The following PTPN4 variants were observed in gnomAD, a reference collection of about 807,000 sequenced individuals.
PTPN4 encodes the protein tyrosine-protein phosphatase non-receptor type 4.
A neutral mutation model predicts 135.5 loss-of-function variants in PTPN4; 49 were observed. The ratio of observed to expected loss-of-function variants is 0.36; its 90% CI spans 0.29 to 0.46. The LOEUF (loss-of-function observed/expected upper bound fraction) is 0.46, where lower values mean the gene tolerates loss of function less well. PTPN4 is among the 20% of genes least tolerant of loss of function. The pLI is 1.00. For missense variants in PTPN4, 860 were observed against 1,101.0 expected (o/e 0.78, Z 3.10); for synonymous variants, 333 against 369.9 (o/e 0.90, Z 1.14).
intron 24 of PTPN4, among the ~76,000 whole-genome samples, chr2:119,963,651 G>T (rs897429920): frequency 1.3e-5 from 2 of 152,146 alleles, no homozygotes; most frequent in African/African-American, 4.8e-5. Context: ...AAGGAATCTG[G>T]CATTGAATAA....
intron 14 of PTPN4, among the ~76,000 whole-genome samples, chr2:119,934,086 A>T (rs2105038990): frequency 6.6e-6 from 1 of 152,320 alleles, no homozygotes; most frequent in East Asian, 1.9e-4. Flanking sequence ...TTAATGAAAC[A>T]ATTTCAGGTA....
intron 1 of PTPN4, among the ~76,000 whole-genome samples, chr2:119,808,854 A>G (rs1413116911): frequency 6.6e-6 from 1 of 152,198 alleles, no homozygotes; most frequent in African/African-American, 2.4e-5. Flanking sequence ...TTTGAAATGA[A>G]TAATCTGTGA....
At chr2:119,822,025 A>G (rs1192037918) in intron 2 of PTPN4, among the ~76,000 whole-genome samples, 1 of 151,968 alleles carries the variant, frequency 6.6e-6, no homozygotes, top group Non-Finnish European at 1.5e-5. Flanking sequence ...CATGAAATCC[A>G]CCAGCTTGCA....
intron 5 of PTPN4, among the ~76,000 whole-genome samples, chr2:119,880,441 T>C (rs1558753220): frequency 6.6e-6 from 1 of 151,606 alleles, no homozygotes. Flanking sequence ...TTTTTTTTTC[T>C]TTTTTTGAGA....
At chr2:119,778,785 G>A (rs1427962092) in intron 1 of PTPN4, among the ~76,000 whole-genome samples, 2 of 152,070 alleles carry the variant, frequency 1.3e-5, no homozygotes, top group African/African-American at 2.4e-5. Context: ...TATCAGGTCG[G>A]TAACAATTGA....
At chr2:119,801,642 A>G (rs981275959) in intron 1 of PTPN4, among the ~76,000 whole-genome samples, 5 of 151,974 alleles carry the variant, frequency 3.3e-5, no homozygotes, top group African/African-American at 7.2e-5. Context: ...ACACCTAAGT[A>G]TTTTGTTTTT....
chr2:119,917,413 A>G (rs1467396503), intron 11 of PTPN4, among the ~76,000 whole-genome samples: 2 of 152,140 alleles, frequency 1.3e-5, no homozygotes, highest in African/African-American at 2.4e-5. Context: ...GCACATTACA[A>G]CCTGTCTGAT....
intron 25 of PTPN4, among the ~76,000 whole-genome samples, chr2:119,966,906 G>A (rs928501189): frequency 6.6e-6 from 1 of 152,040 alleles, no homozygotes; most frequent in African/African-American, 2.4e-5. Context: ...TCCCTATTAC[G>A]GCCACCTTTG....
At chr2:119,790,946 T>C (rs1337462211) in intron 1 of PTPN4, among the ~76,000 whole-genome samples, 1 of 152,154 alleles carries the variant, frequency 6.6e-6, no homozygotes, top group Non-Finnish European at 1.5e-5. Context: ...TGCTCCTATA[T>C]AGCACATCCT....
chr2:119,776,848 A>G (rs1690846994), intron 1 of PTPN4, among the ~76,000 whole-genome samples: 1 of 152,242 alleles, frequency 6.6e-6, no homozygotes, highest in Non-Finnish European at 1.5e-5. Context: ...TTTCCGGTCA[A>G]CAGTAGGCTG....
chr2:119,827,179 T>C (rs1677158636), intron 2 of PTPN4, among the ~76,000 whole-genome samples: 1 of 152,216 alleles, frequency 6.6e-6, no homozygotes. Flanking sequence ...GTGAGAATAC[T>C]TGAAGGTTGC....
At chr2:119,939,793 T>C (rs1214135351) in intron 15 of PTPN4, among the ~76,000 whole-genome samples, 1 of 152,166 alleles carries the variant, frequency 6.6e-6, no homozygotes, top group Non-Finnish European at 1.5e-5. Context: ...AACTCAGTTG[T>C]CCCCAATTCC....
intron 2 of PTPN4, among the ~76,000 whole-genome samples, chr2:119,843,218 CTTTTTTTTT>C (rs779045976): frequency 3.7e-5 from 4 of 107,292 alleles, no homozygotes; most frequent in Admixed American, 9.8e-5. Flanking sequence ...ATGCATTTTT[CTTTTTTTTT>C]TTTTTTTTTT....
At chr2:119,794,736 G>A (rs1489140871) in intron 1 of PTPN4, among the ~76,000 whole-genome samples, 3 of 152,170 alleles carry the variant, frequency 2.0e-5, no homozygotes, top group African/African-American at 7.2e-5. Context: ...GCAACGTGGT[G>A]GGCAAGAGGT....
chr2:119,964,707 C>T (rs1679422019), intron 24 of PTPN4, among the ~76,000 whole-genome samples: 1 of 152,086 alleles, frequency 6.6e-6, no homozygotes, highest in Non-Finnish European at 1.5e-5. Context: ...ATTAGCCATA[C>T]TTAAATGGAT....
intron 9 of PTPN4, among the ~76,000 whole-genome samples, 169 bp downstream of exon 9, chr2:119,886,051 C>A (rs533758568): frequency 4.6e-5 from 7 of 152,220 alleles, no homozygotes; most frequent in African/African-American, 1.4e-4. Flanking sequence ...AGATTCAATT[C>A]CCGAATGTGA....
chr2:119,848,653 T>C (rs759391278), intron 2 of PTPN4, among the ~76,000 whole-genome samples: 9 of 152,202 alleles, frequency 5.9e-5, no homozygotes, highest in Non-Finnish European at 8.8e-5. Context: ...CAGGCTGGAT[T>C]GCAGTGATGC....
chr2:119,794,975 G>A (rs113035407), intron 1 of PTPN4, among the ~76,000 whole-genome samples: 2 of 152,318 alleles, frequency 1.3e-5, no homozygotes, highest in African/African-American at 4.8e-5. Flanking sequence ...AGAAAGGGTA[G>A]CTCCACTCTG....
At chr2:119,975,435 C>G (rs1371110150) in intron 26 of PTPN4, among the ~76,000 whole-genome samples, 2 of 152,116 alleles carry the variant, frequency 1.3e-5, no homozygotes, top group Admixed American at 1.3e-4. Context: ...TTTTAAAGTC[C>G]CTTCAGGGAT....
Sources: allele counts gnomAD v4.1 joint callset (sites outside exome capture counted in the v4.1 genomes callset), GRCh38; gene constraint gnomAD v4.1.1; transcripts MANE v1.5; gene names NCBI Gene and HGNC (gene_info 2026-07-23, HGNC 2026-07-21).